Variants in SNRNP27 observed in about 807,000 individuals in gnomAD.
SNRNP27 encodes the protein U4/U6.U5 small nuclear ribonucleoprotein 27 kDa protein.
Under a neutral mutation model 25.1 loss-of-function variants are expected in SNRNP27, and 22 were observed. The observed-to-expected ratio is 0.88, with a 90% CI of 0.63 to 1.25. SNRNP27 has a LOEUF of 1.25. Ranked by LOEUF, SNRNP27 falls within the 50% of genes most tolerant of loss-of-function variation. SNRNP27 has a pLI of 0.00. For missense variants in SNRNP27, 150 were observed against 202.3 expected (o/e 0.74, Z 1.57); for synonymous variants, 66 against 64.9 (o/e 1.02, Z -0.08).
At chr2:69,897,606 G>A in intron 4 of SNRNP27, 150 bp downstream of exon 4, 1 of 632,154 alleles carries the variant, frequency 1.6e-6, no homozygotes. Flanking sequence ...AGGAAACAGT[G>A]AACTGCCATT....
At chr2:69,897,557 C>A in intron 4 of SNRNP27, 101 bp downstream of exon 4, 2 of 926,126 alleles carry the variant, frequency 2.2e-6, no homozygotes, top group South Asian at 1.5e-5. Context: ...GGTTATAAGA[C>A]AATAACTATC....
rs751255650 is a variant in SNRNP27, at chr2:69,904,313, T to C, written c.*5T>C. The C allele has an allele frequency of 5.6e-6, 9 of 1,608,690 alleles. No individual in the cohort carries two copies. In the Admixed American group the frequency reaches 1.3e-4, roughly 24 times the overall value. On this transcript the variant is annotated 3_prime_UTR_variant, in exon 6 of 6. Transcript: ENST00000244227. ...CCTTTGGATTTCATTGCATGAGAAT[T>C]GAAGTGTTGAAGGATGATTTTTTTT... is the stretch of plus-strand genomic sequence containing the variant.
At chr2:69,894,267 T>C (rs1289500719) in intron 1 of SNRNP27, among the ~76,000 whole-genome samples, 1 of 152,158 alleles carries the variant, frequency 6.6e-6, no homozygotes, top group East Asian at 1.9e-4. Context: ...ACAATAACTT[T>C]TATTACACTG....
At chr2:69,894,838 C>T (rs762300587) in intron 1 of SNRNP27, among the ~76,000 whole-genome samples, 5 of 152,092 alleles carry the variant, frequency 3.3e-5, no homozygotes, top group Non-Finnish European at 7.4e-5. Context: ...CGTGCCACCA[C>T]GCCTGGCTAA....
intron 4 of SNRNP27, 195 bp downstream of exon 4, chr2:69,897,651 G>A (rs971553183): frequency 3.7e-6 from 2 of 547,582 alleles, no homozygotes; most frequent in Middle Eastern, 4.9e-4. Flanking sequence ...GACGATGTTT[G>A]AATTAGATTT....
At chr2:69,895,816 T>C (rs1485034139) in intron 2 of SNRNP27, among the ~76,000 whole-genome samples, 1 of 152,210 alleles carries the variant, frequency 6.6e-6, no homozygotes, top group African/African-American at 2.4e-5. Context: ...CACCTCGGCC[T>C]CCCAAAGTGC....
chr2:69,903,637 C>T (rs1196487933), intron 5 of SNRNP27, among the ~76,000 whole-genome samples: 2 of 152,142 alleles, frequency 1.3e-5, no homozygotes, highest in Non-Finnish European at 2.9e-5. Context: ...ATTTGTACCA[C>T]AGTTTTGGAG....
Position 69,904,393 on chromosome 2 carries a change from A to T in SNRNP27, c.*85A>T. 3.0e-6 allele frequency: 3 copies of T among 1,016,136 alleles called. No individual in the cohort carries two copies. Among genetic ancestry groups the T allele is most frequent in the Non-Finnish European group, 4.7e-6 (3 of 640,600 alleles). The allele number at this position is 1,016,136 out of a possible 1,614,324, so 62.9% of individuals were successfully genotyped here. The stretch of plus-strand genomic sequence containing the variant: ...GTATTTTGTATTTAACTTGCATTCA[A>T]AAAACAGGATCTCAGTTCTCCTTTC... On this transcript the variant is annotated 3_prime_UTR_variant, in exon 6 of 6. Transcript: ENST00000244227.
intron 2 of SNRNP27, among the ~76,000 whole-genome samples, chr2:69,895,577 C>G (rs571679318): frequency 6.6e-6 from 1 of 152,182 alleles, no homozygotes; most frequent in Non-Finnish European, 1.5e-5. Context: ...GAGTCTCGCT[C>G]TGTCACCCAG....
intron 4 of SNRNP27, 159 bp downstream of exon 4, chr2:69,897,615 T>C (rs1676627578): frequency 3.2e-6 from 2 of 618,196 alleles, no homozygotes; most frequent in South Asian, 2.1e-5. Flanking sequence ...TGAACTGCCA[T>C]TGGAATTCAG....
chr2:69,902,985 C>T (rs1172639380), intron 4 of SNRNP27, among the ~76,000 whole-genome samples, 196 bp from the exon 5 acceptor site: 1 of 140,784 alleles, frequency 7.1e-6, no homozygotes, highest in African/African-American at 2.7e-5. Context: ...CTCAGTTGCC[C>T]AGGCTGGAGT....
In SNRNP27 at chr2:69,893,998, G is replaced by A. The variant is rs1399127273; in HGVS notation, c.14G>A (p.Arg5His). Residue 5 changes from arginine to histidine, a missense_variant, in exon 1 of 6, where the codon CGC becomes CAC. Arg to His is a conservative substitution (Grantham distance 29). Transcript: ENST00000244227. The part of the protein sequence containing the change: MGRS[R>H]SRSPRRERRR... ...GCGGGACTCCAAATGGGTCGCAGTC[G>A]CAGCCGCTCTCCACGGAGGGGTGAG... 6.2e-7 allele frequency: 1 copy of A among 1,613,998 alleles called. No homozygotes were observed.
In SNRNP27 at chr2:69,895,102, C is replaced by T. The variant is rs1676576351; in HGVS notation, c.43C>T (p.Arg15Cys). 6.2e-7 allele frequency: 1 copy of T among 1,613,160 alleles called. No individual in the cohort carries two copies. The highest frequency in any genetic ancestry group is 8.5e-7 in the Non-Finnish European group (1 of 1,179,860). Reference sequence around the variant, plus strand: ...GTGTGCGTTTGCATTAGAACGTAGGCGTTCCCGGTCCACATCCCGGGAGAG... The same window carrying T: ...GTGTGCGTTTGCATTAGAACGTAGGTGTTCCCGGTCCACATCCCGGGAGAG... ...RSRSPRRERR[R>C]SRSTSRERER... is the part of the protein sequence containing the mutation. Residue 15 changes from arginine to cysteine, a missense_variant, in exon 2 of 6, where the codon CGT becomes TGT. Transcript: ENST00000244227.
chr2:69,903,457 T>G (rs1429988125), intron 5 of SNRNP27: 1 of 503,298 alleles, frequency 2.0e-6, no homozygotes, highest in East Asian at 3.4e-5. Flanking sequence ...GTAGTTGGCT[T>G]AAATATTTTA....
chr2:69,900,693 G>A (rs1285558087), intron 4 of SNRNP27, among the ~76,000 whole-genome samples: 1 of 152,156 alleles, frequency 6.6e-6, no homozygotes, highest in Non-Finnish European at 1.5e-5. Flanking sequence ...GGAGGTGGGG[G>A]TCACTTGTAT....
At chr2:69,899,756 G>T (rs890231722) in intron 4 of SNRNP27, among the ~76,000 whole-genome samples, 5 of 152,046 alleles carry the variant, frequency 3.3e-5, no homozygotes, top group African/African-American at 1.2e-4. Context: ...TAGAGACAGG[G>T]TCTTGTTTTG....
chr2:69,900,619 C>T (rs1676676560), intron 4 of SNRNP27, among the ~76,000 whole-genome samples: 1 of 152,192 alleles, frequency 6.6e-6, no homozygotes, highest in African/African-American at 2.4e-5. Flanking sequence ...GCCCTGACAC[C>T]AATATCTAAT....
At chr2:69,901,017 T>TA (rs887718069) in intron 4 of SNRNP27, among the ~76,000 whole-genome samples, 41 of 151,902 alleles carry the variant, frequency 2.7e-4, no homozygotes, top group African/African-American at 9.9e-4. Flanking sequence ...CTACTAAAAA[T>TA]ACAAAAATTA....
chr2:69,901,628 C>T (rs557261868), intron 4 of SNRNP27, among the ~76,000 whole-genome samples: 1 of 151,970 alleles, frequency 6.6e-6, no homozygotes, highest in East Asian at 1.9e-4. Flanking sequence ...CCAGCCTGGG[C>T]AACATAGTGA....
Sources: gnomAD v4.1 joint callset for allele counts (sites outside exome capture counted in the v4.1 genomes callset) on GRCh38, gnomAD v4.1.1 for gene constraint, MANE v1.5 for transcripts, NCBI Gene and HGNC (gene_info 2026-07-23, HGNC 2026-07-21) for gene names.